Variants in NDUFB3 observed in about 807,000 individuals in gnomAD.
NDUFB3 encodes NADH:ubiquinone oxidoreductase subunit B3.
NDUFB3 carries 7 observed loss-of-function variants against 9.0 expected under a neutral mutation model. The ratio of observed to expected loss-of-function variants is 0.78; its 90% confidence interval spans 0.44 to 1.46. The LOEUF (loss-of-function observed/expected upper bound fraction) is 1.46, where lower values mean the gene tolerates loss of function less well. NDUFB3 is among the 40% of genes most tolerant of loss of function. The probability of loss-of-function intolerance (pLI) is 0.01; values close to 1 mark genes in which losing one functional copy is unlikely to be tolerated. For missense variants in NDUFB3, 93 were observed against 115.4 expected, an observed-to-expected ratio of 0.81 and a Z score of 0.89; for synonymous variants, 29 against 38.5, an observed-to-expected ratio of 0.75 and a Z score of 0.91.
At position 201,085,746 on chromosome 2, in the gene NDUFB3, G is replaced by A; in HGVS notation, c.*131G>A. 1 of 650,448 alleles carries A rather than the reference G, an allele frequency of 1.5e-6. No individual in the cohort carries two copies. The highest frequency in any genetic ancestry group is 2.3e-6 in the Non-Finnish European group (1 of 434,742). The allele number at this position is 650,448 out of a possible 1,614,324, so 40.3% of individuals were successfully genotyped here. ...TTAATCAATTAAAATATATATATAT[G>A]CCAATCTGCTTTTGTCATTCTTAAA... On this transcript the variant is annotated 3_prime_UTR_variant, in exon 3 of 3. Coordinates refer to ENST00000237889, the MANE Select transcript of NDUFB3 (RefSeq NM_002491.3).
At chr2:201,080,716 T>C (rs1223925292) in intron 2 of NDUFB3, among the ~76,000 whole-genome samples, 1 of 146,840 alleles carries the variant, frequency 6.8e-6, no homozygotes, top group Non-Finnish European at 1.5e-5. Context: ...TTTTTTTTTT[T>C]TTTTTTGAGA....
chr2:201,083,169 C>G (rs1025479265), intron 2 of NDUFB3, among the ~76,000 whole-genome samples: 12 of 152,062 alleles, frequency 7.9e-5, no homozygotes, highest in Non-Finnish European at 1.6e-4. Flanking sequence ...CTGGCTAACA[C>G]CACTACTATA....
intron 2 of NDUFB3, among the ~76,000 whole-genome samples, chr2:201,081,520 A>G (rs1282517151): frequency 2.0e-5 from 3 of 151,922 alleles, no homozygotes; most frequent in Non-Finnish European, 4.4e-5. Context: ...TGATGTCTTA[A>G]CAATATTAAG....
At chr2:201,076,751 G>A (rs1057025954) in intron 1 of NDUFB3, among the ~76,000 whole-genome samples, 4 of 151,280 alleles carry the variant, frequency 2.6e-5, no homozygotes, top group Non-Finnish European at 4.4e-5. Flanking sequence ...TCCCAATAAT[G>A]TGTCTTTAAT....
intron 1 of NDUFB3, among the ~76,000 whole-genome samples, chr2:201,077,911 A>T (rs910105835): frequency 3.3e-5 from 5 of 152,222 alleles, no homozygotes; most frequent in Admixed American, 3.3e-4. Flanking sequence ...TAAAAGAATC[A>T]TCTAAAGAAA....
intron 2 of NDUFB3, among the ~76,000 whole-genome samples, chr2:201,084,977 T>G (rs1227797422): frequency 6.6e-6 from 1 of 152,198 alleles, no homozygotes; most frequent in African/African-American, 2.4e-5. Context: ...GCCTGTTTAG[T>G]CTTTATGATA....
intron 2 of NDUFB3, among the ~76,000 whole-genome samples, chr2:201,080,125 T>TGGC (rs1447184843): frequency 6.6e-6 from 1 of 152,234 alleles, no homozygotes; most frequent in Non-Finnish European, 1.5e-5. Flanking sequence ...TTCTGTGATC[T>TGGC]GTTTTGAGTT....
chr2:201,081,352 G>A (rs143319707), intron 2 of NDUFB3, among the ~76,000 whole-genome samples: 8,003 of 151,676 alleles, frequency 0.053, 251 homozygotes, highest in Middle Eastern at 0.11. Context: ...GTGTGGTAGT[G>A]GGTACCTGTA....
chr2:201,072,375 A>C (rs539378055), intron 1 of NDUFB3: 1 of 152,210 alleles, frequency 6.6e-6, no homozygotes, highest in East Asian at 1.9e-4. Context: ...ATAACAGTTC[A>C]TTTGTTTTTT....
At position 201,085,442 on chromosome 2, in the gene NDUFB3, TC is replaced by T. The variant is rs1559150879; in HGVS notation, c.141-16del. The T allele has an allele frequency of 6.4e-7, 1 of 1,558,862 alleles. No homozygotes were observed. Among genetic ancestry groups the T allele is most frequent in the Non-Finnish European group, 8.7e-7 (1 of 1,148,248 alleles). On this transcript the variant is annotated splice_polypyrimidine_tract_variant and intron_variant, in intron 2 of 2. Coordinates refer to ENST00000237889, the MANE Select transcript of NDUFB3 (RefSeq NM_002491.3). ...CACGTTGTGTATGATTATAATTTTT[TC>T]TTTTTTTTTTTCTAGCAATGAAGCT...
At chr2:201,080,708 T>TG (rs1248464363) in intron 2 of NDUFB3, among the ~76,000 whole-genome samples, 3 of 144,198 alleles carry the variant, frequency 2.1e-5, no homozygotes, top group Non-Finnish European at 4.6e-5. Context: ...ACTTTTTTTT[T>TG]TTTTTTTTTT....
intron 1 of NDUFB3, among the ~76,000 whole-genome samples, chr2:201,074,258 A>C (rs1176914638): frequency 1.3e-5 from 2 of 151,676 alleles, no homozygotes. Context: ...TGGCCTCCAA[A>C]GACACATTAA....
chr2:201,077,073 GC>G (rs1206595712), intron 1 of NDUFB3, among the ~76,000 whole-genome samples: 22 of 152,124 alleles, frequency 1.4e-4, no homozygotes, highest in Middle Eastern at 3.4e-3. Flanking sequence ...TTGCACTCCA[GC>G]CTGGGCAAAA....
chr2:201,073,020 C>T (rs188710236), intron 1 of NDUFB3, among the ~76,000 whole-genome samples: 3 of 152,234 alleles, frequency 2.0e-5, no homozygotes, highest in Admixed American at 2.0e-4. Flanking sequence ...GTTAAATTTT[C>T]ATGGCGGGGG....
chr2:201,072,861 A>G (rs2047102614), intron 1 of NDUFB3, among the ~76,000 whole-genome samples: 2 of 152,210 alleles, frequency 1.3e-5, no homozygotes, highest in African/African-American at 4.8e-5. Context: ...ATTGCCAATA[A>G]CTTAGAACAT....
intron 1 of NDUFB3, among the ~76,000 whole-genome samples, chr2:201,074,621 T>A (rs1388661212): frequency 6.6e-6 from 1 of 152,084 alleles, no homozygotes; most frequent in Non-Finnish European, 1.5e-5. Flanking sequence ...CACACCTGGC[T>A]AATTTTTGTA....
chr2:201,081,638 A>ATTTAT (rs1043658892), intron 2 of NDUFB3, among the ~76,000 whole-genome samples: 7 of 151,066 alleles, frequency 4.6e-5, no homozygotes, highest in Admixed American at 1.3e-4. Flanking sequence ...TGAATTAATT[A>ATTTAT]TTTATTTTAT....
At position 201,085,443 on chromosome 2, in the gene NDUFB3, C is replaced by CTTT. The variant is rs534968379; in HGVS notation, c.141-7_141-5dup. The CTTT allele has an allele frequency of 1.2e-5, 14 of 1,207,532 alleles. No individual in the cohort carries two copies. Among genetic ancestry groups the CTTT allele is most frequent in the South Asian group, 9.0e-5 (6 of 66,300 alleles). 74.8% of individuals were successfully genotyped at this position (1,207,532 alleles called of 1,614,324 possible). ...ACGTTGTGTATGATTATAATTTTTT[C>CTTT]TTTTTTTTTTTCTAGCAATGAAGCT... On this transcript the variant is annotated splice_polypyrimidine_tract_variant and intron_variant, in intron 2 of 2. Coordinates refer to ENST00000237889, the MANE Select transcript of NDUFB3 (RefSeq NM_002491.3).
chr2:201,085,571 G>A lies in NDUFB3; in HGVS notation c.253G>A (p.Glu85Lys). ...TGCATTTGTGGTAGCTGTAGGAGCT[G>A]AATATTACCTGGAGTCCCTGAATAA... The part of the protein sequence containing the change: ...FAAFVVAVGA[E>K]YYLESLNKDK... Residue 85 changes from glutamate (E) to lysine (K), a missense_variant, in exon 3 of 3, where the codon GAA (glutamate) becomes AAA (lysine). Coordinates refer to ENST00000237889, the MANE Select transcript of NDUFB3 (RefSeq NM_002491.3). The A allele has an allele frequency of 6.2e-7, 1 of 1,612,556 alleles. No homozygotes were observed. The highest frequency in any genetic ancestry group is 8.5e-7 in the Non-Finnish European group (1 of 1,179,222).
Sources: allele counts gnomAD v4.1 joint callset (sites outside exome capture counted in the v4.1 genomes callset), GRCh38; gene constraint gnomAD v4.1.1; transcripts MANE v1.5; gene names NCBI Gene and HGNC (gene_info 2026-07-23, HGNC 2026-07-21).